The following KCNH7 variants were observed in gnomAD, a reference collection of about 807,000 sequenced individuals.
The protein encoded by KCNH7 is voltage-gated inwardly rectifying potassium channel KCNH7.
Under a neutral mutation model 120.8 loss-of-function variants are expected in KCNH7, and 49 were observed. The observed-to-expected ratio is 0.41, with a 90% CI of 0.32 to 0.51. KCNH7 has a LOEUF of 0.51. KCNH7 is among the 20% of genes least tolerant of loss of function. The pLI is 0.38. For missense variants in KCNH7, 1,097 were observed against 1,446.6 expected, an observed-to-expected ratio of 0.76 and a Z score of 3.92; for synonymous variants, 547 against 516.1, an observed-to-expected ratio of 1.06 and a Z score of -0.81.
chr2:162,399,321 C>T (rs890659071), intron 10 of KCNH7, among the ~76,000 whole-genome samples: 1 of 151,166 alleles, frequency 6.6e-6, no homozygotes, highest in Non-Finnish European at 1.5e-5. Flanking sequence ...GTTCACATGG[C>T]CTAAATTTAT....
intron 2 of KCNH7, among the ~76,000 whole-genome samples, chr2:162,719,061 C>G (rs1687233320): frequency 6.6e-6 from 1 of 151,966 alleles, no homozygotes; most frequent in Admixed American, 6.6e-5. Context: ...CTCTTGTCCC[C>G]ATTGGGTACG....
chr2:162,394,850 C>G (rs1052202331), intron 11 of KCNH7, among the ~76,000 whole-genome samples: 7 of 151,770 alleles, frequency 4.6e-5, no homozygotes, highest in Non-Finnish European at 1.5e-5. Context: ...ACAATACAGG[C>G]TTTAACTGTG....
At chr2:162,802,233 C>A (rs1684376655) in intron 2 of KCNH7, among the ~76,000 whole-genome samples, 1 of 151,648 alleles carries the variant, frequency 6.6e-6, no homozygotes, top group African/African-American at 2.4e-5. Context: ...GATAATTTCC[C>A]AATATTATCA....
At chr2:162,428,265 T>G (rs891579770) in intron 8 of KCNH7, among the ~76,000 whole-genome samples, 4 of 151,938 alleles carry the variant, frequency 2.6e-5, no homozygotes, top group African/African-American at 9.7e-5. Flanking sequence ...CTGTGAGCTA[T>G]TTGGAACCTA....
At chr2:162,752,931 A>AAGAAAAGAAAAGAAAAGAAAAGAAAAG (rs1688625455) in intron 2 of KCNH7, among the ~76,000 whole-genome samples, 1 of 86,380 alleles carries the variant, frequency 1.2e-5, no homozygotes, top group Non-Finnish European at 2.0e-5. Flanking sequence ...AAGAAAAGAA[A>AAGAAAAGAAAAGAAAAGAAAAGAAAAG]AGAAAAGAAA....
intron 8 of KCNH7, 64 bp downstream of exon 8, chr2:162,435,134 G>A (rs887706174): frequency 7.1e-7 from 1 of 1,407,066 alleles, no homozygotes; most frequent in Admixed American, 2.2e-5. Context: ...TCTAAATATT[G>A]TAGAAATATT....
chr2:162,589,176 C>T (rs1253724437), intron 2 of KCNH7, among the ~76,000 whole-genome samples: 1 of 152,064 alleles, frequency 6.6e-6, no homozygotes, highest in East Asian at 1.9e-4. Context: ...GTGGCCATGG[C>T]ACTCTGGGGC....
chr2:162,377,204 G>C (rs535807515), intron 14 of KCNH7, among the ~76,000 whole-genome samples: 1 of 151,736 alleles, frequency 6.6e-6, no homozygotes, highest in Admixed American at 6.6e-5. Flanking sequence ...GAGGTGAAAG[G>C]TTGTTAAAAA....
intron 2 of KCNH7, among the ~76,000 whole-genome samples, chr2:162,698,542 C>T (rs948532720): frequency 6.6e-6 from 1 of 151,346 alleles, no homozygotes; most frequent in East Asian, 1.9e-4. Context: ...TTTATAATAG[C>T]TACAAATTAG....
intron 2 of KCNH7, among the ~76,000 whole-genome samples, chr2:162,816,550 A>G (rs1287231203): frequency 6.6e-6 from 1 of 152,184 alleles, no homozygotes; most frequent in African/African-American, 2.4e-5. Flanking sequence ...AAAACTTGAT[A>G]CATCACCTCC....
chr2:162,418,353 C>T (rs1363546994), intron 9 of KCNH7, among the ~76,000 whole-genome samples: 3 of 151,974 alleles, frequency 2.0e-5, no homozygotes, highest in Non-Finnish European at 4.4e-5. Context: ...ATATACATAT[C>T]AGTCTAGGTC....
At chr2:162,380,161 C>A in intron 13 of KCNH7, 140 bp from the exon 14 acceptor site, 1 of 951,284 alleles carries the variant, frequency 1.1e-6, no homozygotes, top group Non-Finnish European at 1.5e-6. Context: ...AGTGATGTGT[C>A]CAGGGGCCAC....
At chr2:162,481,879 T>C (rs1260656406) in intron 6 of KCNH7, among the ~76,000 whole-genome samples, 2 of 152,192 alleles carry the variant, frequency 1.3e-5, no homozygotes, top group Non-Finnish European at 1.5e-5. Context: ...AAAGATGTTA[T>C]GATCCTACCT....
chr2:162,421,684 T>G (rs1687712240), intron 9 of KCNH7, among the ~76,000 whole-genome samples: 1 of 152,172 alleles, frequency 6.6e-6, no homozygotes, highest in African/African-American at 2.4e-5. Flanking sequence ...GAGATAAATC[T>G]TTCATAAGTA....
intron 5 of KCNH7, among the ~76,000 whole-genome samples, chr2:162,507,642 T>C (rs1350509075): frequency 6.6e-6 from 1 of 151,686 alleles, no homozygotes; most frequent in Non-Finnish European, 1.5e-5. Flanking sequence ...CTAGTGGGAT[T>C]TCTTTCTTCT....
rs193079687 is a variant in KCNH7 at position 162,561,756 on chromosome 2, G to A, written c.308-24676C>T. On this transcript the variant is annotated intron_variant, in intron 2 of 15. Transcript: ENST00000332142. ...ATGGCATTCTACTATAAAGACACAT[G>A]CACACGTATGTTTACTGCAGCATTG... 1.1e-3 allele frequency among the ~76,000 whole-genome samples: 172 copies of A among 152,232 alleles called. 2 individuals are homozygous for A. Among genetic ancestry groups the A allele is most frequent in the African/African-American group, 4.0e-3 (167 of 41,552 alleles).
chr2:162,825,059 G>A (rs1685236238), intron 2 of KCNH7, among the ~76,000 whole-genome samples: 1 of 151,892 alleles, frequency 6.6e-6, no homozygotes, highest in East Asian at 1.9e-4. Context: ...AAAAGTTCAA[G>A]GAGTGTTTGA....
chr2:162,593,487 G>A (rs1694280168), intron 2 of KCNH7, among the ~76,000 whole-genome samples: 1 of 151,984 alleles, frequency 6.6e-6, no homozygotes, highest in Non-Finnish European at 1.5e-5. Context: ...ACATTTGTAG[G>A]TAGCAACATT....
At chr2:162,517,625 C>T in intron 4 of KCNH7, 105 bp downstream of exon 4, 1 of 984,768 alleles carries the variant, frequency 1.0e-6, no homozygotes, top group Non-Finnish European at 1.5e-6. Flanking sequence ...AATCACATTT[C>T]TTTCCCCAAT....
Sources: allele counts gnomAD v4.1 joint callset (sites outside exome capture counted in the v4.1 genomes callset), GRCh38; gene constraint gnomAD v4.1.1; transcripts MANE v1.5; gene names NCBI Gene and HGNC (gene_info 2026-07-23, HGNC 2026-07-21).